Variants in SKIC3 observed in about 807,000 individuals in gnomAD.
The protein encoded by SKIC3 is SKI3 subunit of superkiller complex.
chr5:95,507,714 A>G, the SKIC3 span, among the ~76,000 whole-genome samples: 2 of 152,216 alleles, frequency 1.3e-5, no homozygotes, highest in African/African-American at 2.4e-5. Context: ...AGAGAAGCCT[A>G]AAGACAGTAT....
the SKIC3 span, among the ~76,000 whole-genome samples, chr5:95,538,265 T>C: frequency 6.6e-6 from 1 of 152,158 alleles, no homozygotes; most frequent in Admixed American, 6.5e-5. Flanking sequence ...ATTATGATAT[T>C]ATACAATTTA....
the SKIC3 span, chr5:95,516,770 G>A: frequency 1.2e-6 from 2 of 1,610,080 alleles, no homozygotes; most frequent in South Asian, 1.1e-5. Flanking sequence ...AGTTAAATTA[G>A]ATTAATTTTT....
chr5:95,498,802 T>A, the SKIC3 span, among the ~76,000 whole-genome samples: 1 of 152,128 alleles, frequency 6.6e-6, no homozygotes, highest in Non-Finnish European at 1.5e-5. Context: ...AATTTTTGTA[T>A]TTTTAGTAGA....
At chr5:95,469,911 C>T in the SKIC3 span, 1 of 1,613,620 alleles carries the variant, frequency 6.2e-7, no homozygotes, top group African/African-American at 1.3e-5. Flanking sequence ...AAATGTTAGC[C>T]TATAAAAATA....
the SKIC3 span, among the ~76,000 whole-genome samples, chr5:95,493,571 A>G: frequency 6.6e-6 from 1 of 152,150 alleles, no homozygotes; most frequent in Non-Finnish European, 1.5e-5. Flanking sequence ...TTCTATGTCA[A>G]AATGAAAGAA....
the SKIC3 span, chr5:95,521,276 G>A: frequency 6.4e-6 from 1 of 155,200 alleles, no homozygotes; most frequent in Admixed American, 6.4e-5. Context: ...TTTCTTAAAT[G>A]TGAGTTCTCC....
chr5:95,496,202 G>C, the SKIC3 span, among the ~76,000 whole-genome samples: 1 of 152,056 alleles, frequency 6.6e-6, no homozygotes, highest in Admixed American at 6.6e-5. Flanking sequence ...ATTTTTAGTA[G>C]AGACGGGGTT....
At chr5:95,505,815 CAAAA>C in the SKIC3 span, among the ~76,000 whole-genome samples, 3 of 113,466 alleles carry the variant, frequency 2.6e-5, no homozygotes, top group African/African-American at 3.4e-5. Flanking sequence ...TCTGTCCCCC[CAAAA>C]AAAAAAAAAA....
the SKIC3 span, among the ~76,000 whole-genome samples, chr5:95,480,692 T>C: frequency 6.6e-6 from 1 of 152,120 alleles, no homozygotes; most frequent in African/African-American, 2.4e-5. Context: ...TGACCAAGAA[T>C]GGTCACAGCA....
At chr5:95,521,112 A>C in the SKIC3 span, among the ~76,000 whole-genome samples, 1 of 152,070 alleles carries the variant, frequency 6.6e-6, no homozygotes, top group African/African-American at 2.4e-5. Context: ...TGGCTACAAA[A>C]AATGTGGATA....
chr5:95,516,755 A>C, the SKIC3 span: 2 of 1,612,530 alleles, frequency 1.2e-6, no homozygotes, highest in African/African-American at 2.7e-5. Context: ...CAGACACTGA[A>C]AAGAAGTTAA....
At chr5:95,538,302 T>C in the SKIC3 span, among the ~76,000 whole-genome samples, 1 of 152,162 alleles carries the variant, frequency 6.6e-6, no homozygotes, top group Non-Finnish European at 1.5e-5. Context: ...TACCTAATTT[T>C]GTCACTGCTC....
chr5:95,490,820 A>C, the SKIC3 span: 1 of 1,550,236 alleles, frequency 6.5e-7, no homozygotes, highest in Non-Finnish European at 8.9e-7. Flanking sequence ...TTTTTATAAC[A>C]ACATATGCTG....
chr5:95,488,893 G>A, the SKIC3 span, among the ~76,000 whole-genome samples: 1 of 151,760 alleles, frequency 6.6e-6, no homozygotes, highest in Non-Finnish European at 1.5e-5. Context: ...CAGAAATAAG[G>A]CAACACACAT....
At chr5:95,512,705 A>G in the SKIC3 span, 1 of 1,452,798 alleles carries the variant, frequency 6.9e-7, no homozygotes, top group Non-Finnish European at 9.6e-7. Context: ...GCACTTCAAT[A>G]CAATAAATAT....
the SKIC3 span, among the ~76,000 whole-genome samples, chr5:95,521,128 T>C: frequency 6.6e-6 from 1 of 152,060 alleles, no homozygotes; most frequent in African/African-American, 2.4e-5. Flanking sequence ...GGATATTATC[T>C]ATATGTTACT....
the SKIC3 span, chr5:95,494,866 T>C: frequency 3.1e-4 from 489 of 1,596,830 alleles, 3 homozygotes; most frequent in African/African-American, 6.0e-3. Flanking sequence ...AAAGACTCTA[T>C]TTGATATGAC....
At chr5:95,525,382 A>C in the SKIC3 span, 2 of 1,611,506 alleles carry the variant, frequency 1.2e-6, no homozygotes, top group Non-Finnish European at 1.7e-6. Context: ...TCTATGAGCA[A>C]TTTATATATC....
At chr5:95,512,038 T>C in the SKIC3 span, among the ~76,000 whole-genome samples, 1 of 152,206 alleles carries the variant, frequency 6.6e-6, no homozygotes, top group Non-Finnish European at 1.5e-5. Context: ...GGTTTGGCAC[T>C]TCATTTATAT....
Sources: allele counts gnomAD v4.1 joint callset (sites outside exome capture counted in the v4.1 genomes callset), GRCh38; gene constraint gnomAD v4.1.1; transcripts MANE v1.5; gene names NCBI Gene and HGNC (gene_info 2026-07-23, HGNC 2026-07-21).